PDE4D: variants seen among roughly 807,000 people sequenced by gnomAD.
PDE4D encodes the protein 3',5'-cyclic-AMP phosphodiesterase 4D.
In PDE4D, 24 loss-of-function variants were observed where a neutral mutation model predicts 87.4. The ratio of observed to expected loss-of-function variants is 0.27; its 90% CI spans 0.20 to 0.39. The LOEUF (loss-of-function observed/expected upper bound fraction) is 0.39, where lower values mean the gene tolerates loss of function less well. Ranked by LOEUF, PDE4D falls within the 10% of genes least tolerant of loss-of-function variation. The probability of loss-of-function intolerance (pLI) is 1.00; values close to 1 mark genes in which losing one functional copy is unlikely to be tolerated. For synonymous variants in PDE4D, 384 were observed against 383.2 expected (o/e 1.00, Z -0.02); for missense variants, 714 against 1,041.0 (o/e 0.69, Z 4.32).
intron 6 of PDE4D, among the ~76,000 whole-genome samples, chr5:59,032,391 C>A (rs1757718341): frequency 6.6e-6 from 1 of 152,140 alleles, no homozygotes; most frequent in Admixed American, 6.5e-5. Context: ...ACCATCCTGG[C>A]CAACATGGTG....
rs143588088 is a variant in PDE4D, at chr5:60,302,000, A to G, written c.-89-116313T>C. On this transcript the variant is annotated intron_variant, in intron 1 of 16. Transcript: ENST00000502484. ...TTATTGATTTGCATATGTTGATACA[A>G]CCTTGCATCCCAGAGATGAAGCCAA... 3.3e-4 allele frequency among the ~76,000 whole-genome samples: 50 copies of G among 152,260 alleles called. 2 individuals carry two copies. In the Middle Eastern group the frequency reaches 0.037, roughly 114 times the overall value.
chr5:59,036,909 C>T (rs573341163), intron 6 of PDE4D, among the ~76,000 whole-genome samples: 36 of 152,252 alleles, frequency 2.4e-4, no homozygotes, highest in Non-Finnish European at 4.9e-4. Context: ...ATTATCTTCT[C>T]ACTTTACCTA....
At chr5:59,663,522 A>C (rs1234619485) in intron 1 of PDE4D, among the ~76,000 whole-genome samples, 2 of 152,202 alleles carry the variant, frequency 1.3e-5, no homozygotes, top group Non-Finnish European at 2.9e-5. Context: ...TCTTTATCAT[A>C]TGAAGCAAAT....
At chr5:59,765,313 G>A (rs553648256) in intron 1 of PDE4D, among the ~76,000 whole-genome samples, 23 of 152,200 alleles carry the variant, frequency 1.5e-4, no homozygotes, top group Non-Finnish European at 2.5e-4. Context: ...GAGGTTTGAC[G>A]AGAGGTTCAA....
chr5:59,270,814 C>A (rs1763671309), intron 1 of PDE4D, among the ~76,000 whole-genome samples: 2 of 152,096 alleles, frequency 1.3e-5, no homozygotes, highest in African/African-American at 4.8e-5. Context: ...GCTGAAGAAC[C>A]AGAGCACGTT....
At chr5:59,289,940 A>G (rs1391295172) in intron 1 of PDE4D, among the ~76,000 whole-genome samples, 3 of 152,068 alleles carry the variant, frequency 2.0e-5, no homozygotes, top group African/African-American at 7.2e-5. Context: ...AGGTACAAAT[A>G]AAATTAAGTA....
At position 60,075,658 on chromosome 5, in the gene PDE4D, T is replaced by C. The variant is rs149539660; in HGVS notation, c.43-86941A>G. Among the ~76,000 whole-genome samples, 366 of 152,298 alleles carry C rather than the reference T, an allele frequency of 2.4e-3. 10 individuals carry two copies. In the East Asian group the frequency reaches 0.062, roughly 26 times the overall value. On this transcript the variant is annotated intron_variant, in intron 2 of 16. Coordinates refer to the PDE4D transcript ENST00000502484. ...TCAGGGATGCCAATGAGTCATAGAT[T>C]TGGTCTCTTTACATAATATCTTATT...
chr5:59,436,483 C>T (rs1184752832), intron 1 of PDE4D, among the ~76,000 whole-genome samples: 1 of 152,154 alleles, frequency 6.6e-6, no homozygotes, highest in Non-Finnish European at 1.5e-5. Context: ...AAGATGTTAA[C>T]ATTCAGATGG....
At chr5:59,664,460 G>A (rs1745745292) in intron 1 of PDE4D, among the ~76,000 whole-genome samples, 1 of 152,086 alleles carries the variant, frequency 6.6e-6, no homozygotes, top group African/African-American at 2.4e-5. Context: ...TTCATTTTAG[G>A]TTTCAGAAGT....
chr5:59,292,119 T>C (rs1768159881), intron 1 of PDE4D, among the ~76,000 whole-genome samples: 1 of 152,094 alleles, frequency 6.6e-6, no homozygotes, highest in African/African-American at 2.4e-5. Context: ...GGAAAGAATA[T>C]GAAAAAGTTC....
intron 1 of PDE4D, among the ~76,000 whole-genome samples, chr5:60,432,640 G>C (rs1041504781): frequency 1.4e-4 from 21 of 152,094 alleles, no homozygotes; most frequent in African/African-American, 5.1e-4. Flanking sequence ...AAGCAAAAAA[G>C]AATAAAGCTG....
At chr5:60,329,424 A>G (rs894588902) in intron 1 of PDE4D, among the ~76,000 whole-genome samples, 2 of 152,180 alleles carry the variant, frequency 1.3e-5, no homozygotes, top group Non-Finnish European at 2.9e-5. Context: ...AGTCCTCCTC[A>G]GACCTTCAGA....
intron 1 of PDE4D, among the ~76,000 whole-genome samples, chr5:59,521,573 A>G (rs1812248719): frequency 1.3e-5 from 2 of 152,154 alleles, no homozygotes; most frequent in African/African-American, 4.8e-5. Context: ...CCAGCCAATT[A>G]CTGGCCTCTA....
chr5:60,199,595 A>G (rs1741678957), intron 1 of PDE4D, among the ~76,000 whole-genome samples: 1 of 151,780 alleles, frequency 6.6e-6, no homozygotes, highest in African/African-American at 2.4e-5. Flanking sequence ...CAGAAGGACA[A>G]TGATGCTTGA....
At chr5:59,619,555 G>A (rs531774015) in intron 1 of PDE4D, among the ~76,000 whole-genome samples, 50 of 152,290 alleles carry the variant, frequency 3.3e-4, no homozygotes, top group Non-Finnish European at 5.7e-4. Flanking sequence ...TGATTCTGAT[G>A]CATAGCCATG....
At chr5:60,243,969 G>GA (rs1158340846) in intron 1 of PDE4D, among the ~76,000 whole-genome samples, 1 of 151,692 alleles carries the variant, frequency 6.6e-6, no homozygotes, top group Non-Finnish European at 1.5e-5. Flanking sequence ...TAAGACAAGA[G>GA]AAAAAAACAC....
chr5:59,504,505 C>T (rs1370089186), intron 1 of PDE4D, among the ~76,000 whole-genome samples: 1 of 152,134 alleles, frequency 6.6e-6, no homozygotes, highest in Non-Finnish European at 1.5e-5. Flanking sequence ...TCCTAGGAAA[C>T]ATCAGCTGTG....
chr5:59,284,424 A>AT (rs1311148683), intron 1 of PDE4D, among the ~76,000 whole-genome samples: 5 of 152,068 alleles, frequency 3.3e-5, no homozygotes, highest in Non-Finnish European at 5.9e-5. Flanking sequence ...GATGATGAGC[A>AT]TTTTTTCATG....
chr5:59,398,966 G>A lies in PDE4D; in HGVS notation c.456-182998C>T, dbSNP rs71626178. Among the ~76,000 whole-genome samples, 17 of 115,208 alleles carry A rather than the reference G, an allele frequency of 1.5e-4. 1 individual carries two copies. The South Asian group carries it at 3.0e-3, about 20-fold the overall frequency. The allele number at this position is 115,208 out of a possible 152,430, so 75.6% of individuals were successfully genotyped here. On this transcript the variant is annotated intron_variant, in intron 1 of 14. Coordinates refer to ENST00000340635, the MANE Select transcript of PDE4D (RefSeq NM_001104631.2). ...ACAAACAGAGAGCCAAATCATGAGT[G>A]AACTCCCATTCACAATTGCTTCAAA...
Sources: allele counts gnomAD v4.1 joint callset (sites outside exome capture counted in the v4.1 genomes callset), GRCh38; gene constraint gnomAD v4.1.1; transcripts MANE v1.5; gene names NCBI Gene and HGNC (gene_info 2026-07-23, HGNC 2026-07-21).